The following PSMD13 variants were observed in gnomAD, a reference collection of about 807,000 sequenced individuals.
PSMD13 encodes 26S proteasome non-ATPase regulatory subunit 13.
PSMD13 carries 8 observed loss-of-function variants against 57.4 expected under a neutral mutation model. The observed-to-expected ratio is 0.14, with a 90% confidence interval of 0.08 to 0.25. The LOEUF (loss-of-function observed/expected upper bound fraction) is 0.25, where lower values mean the gene tolerates loss of function less well. PSMD13 is among the 10% of genes least tolerant of loss of function. The pLI, the probability that PSMD13 is intolerant of heterozygous loss-of-function variation, is 1.00. For missense variants in PSMD13, 400 were observed against 461.5 expected (o/e 0.87, Z 1.22); for synonymous variants, 193 against 168.2 (o/e 1.15, Z -1.14).
rs1859752576 is a variant in PSMD13 at position 250,826 on chromosome 11, C to G, written c.798C>G (p.Ala266=). 1.2e-6 allele frequency: 2 copies of G among 1,613,990 alleles called. No homozygotes were observed. Among genetic ancestry groups the G allele is most frequent in the Non-Finnish European group, 1.7e-6 (2 of 1,179,978 alleles). ...GQQPDLAANE[A]QLLRKIQLLC... ...AGCCTGATTTAGCAGCTAATGAAGC[C>G]CAGCTTCTGAGGAAAATTCAGTTGT... Residue 266 remains alanine (A), a synonymous_variant, in exon 10 of 13, where the codon GCC becomes GCG. Transcript: ENST00000532097.
chr11:244,254 ATGG>A (rs781322976), intron 4 of PSMD13, 38 bp downstream of exon 4: 5 of 1,598,662 alleles, frequency 3.1e-6, no homozygotes, highest in Non-Finnish European at 3.4e-6. Context: ...GCAGATCCAA[ATGG>A]TGGTTAAAAT....
intron 2 of PSMD13, 67 bp from the exon 3 acceptor site, chr11:243,973 TG>T (rs1409330467): frequency 6.8e-7 from 1 of 1,475,102 alleles, no homozygotes; most frequent in Admixed American, 1.8e-5. Flanking sequence ...CCAAAGATAG[TG>T]TTTGGGGTCT....
In PSMD13 at chr11:252,040, AT is replaced by A; in HGVS notation, c.1035+106del. ...GGAAGCCATTTGGGAAGACAGCATTATTAGACAAGAGGTTTTGGAGAAGGAA... is the reference window on the plus strand; with the variant it reads ...GGAAGCCATTTGGGAAGACAGCATTATAGACAAGAGGTTTTGGAGAAGGAA... On this transcript the variant is annotated intron_variant, in intron 12 of 12. Coordinates refer to ENST00000532097, the MANE Select transcript of PSMD13 (RefSeq NM_002817.4). The surrounding 1 kb of genome is among the most constrained non-coding windows in gnomAD (Gnocchi z 4.1). 1 of 1,074,746 alleles carries A rather than the reference AT, an allele frequency of 9.3e-7. No homozygotes were observed. The highest frequency in any genetic ancestry group is 1.4e-6 in the Non-Finnish European group (1 of 724,978). The allele number at this position is 1,074,746 out of a possible 1,614,324, so 66.6% of individuals were successfully genotyped here. A position where few individuals can be genotyped will look rare whatever the true frequency, so the allele number is the denominator to read the frequency against.
At chr11:237,277 G>C (rs1028389226) in intron 1 of PSMD13, 133 bp downstream of exon 1, 4 of 810,948 alleles carry the variant, frequency 4.9e-6, no homozygotes, top group Non-Finnish European at 7.6e-6. Flanking sequence ...GACGTGTAGC[G>C]ACCGGCTGTG....
Position 252,496 on chromosome 11 carries a change from C to G in PSMD13, c.1036-9C>G. The G allele has an allele frequency of 6.2e-7, 1 of 1,613,770 alleles. No individual in the cohort carries two copies. Among genetic ancestry groups the G allele is most frequent in the Non-Finnish European group, 8.5e-7 (1 of 1,179,758 alleles). On this transcript the variant is annotated splice_polypyrimidine_tract_variant and intron_variant, in intron 12 of 12. Transcript: ENST00000532097. This position sits in a 1 kb window ranked among gnomAD's most constrained non-coding sequence, Gnocchi z 4.1. ...CTTAACGTCCCTTGTGTCCGGATTTCCATTTCAGATCAAGGGAATGAAGGA... is the reference window on the plus strand; with the variant it reads ...CTTAACGTCCCTTGTGTCCGGATTTGCATTTCAGATCAAGGGAATGAAGGA...
Position 247,346 on chromosome 11 carries a change from T to C in PSMD13, c.466T>C (p.Tyr156His). The change falls in exon 7 of 13, where the codon TAT becomes CAT. Residue 156 changes from tyrosine (Y) to histidine (H), a missense_variant. Tyr to His is a moderately conservative substitution (Grantham distance 83). Coordinates refer to ENST00000532097, the MANE Select transcript of PSMD13 (RefSeq NM_002817.4). ...TGTGACATCGGTTCACAGTCGTTTC[T>C]ATGATCTCTCCAGTAAATACTATCA... is the stretch of plus-strand genomic sequence containing the variant. The part of the protein sequence containing the change: ...PGVTSVHSRF[Y>H]DLSSKYYQTI... 2 of 1,612,946 alleles carry C rather than the reference T, an allele frequency of 1.2e-6. No homozygotes were observed.
chr11:238,259 G>A (rs1177422041), intron 1 of PSMD13, among the ~76,000 whole-genome samples: 3 of 152,232 alleles, frequency 2.0e-5, no homozygotes, highest in Non-Finnish European at 4.4e-5. Context: ...AGCATCTCAA[G>A]TTAGATATGT....
At chr11:249,147 C>G (rs1026133181) in intron 9 of PSMD13, 90 bp downstream of exon 9, 2 of 1,542,738 alleles carry the variant, frequency 1.3e-6, no homozygotes, top group Non-Finnish European at 1.8e-6. Context: ...CCTAGGCACA[C>G]AGGAAAGAAC....
Position 251,783 on chromosome 11 carries a change from G to A in PSMD13, c.919-37G>A. 6.3e-7 allele frequency: 1 copy of A among 1,593,906 alleles called. No homozygotes were observed. The highest frequency in any genetic ancestry group is 1.1e-5 in the South Asian group (1 of 90,254). On this transcript the variant is annotated intron_variant, in intron 11 of 12. Coordinates refer to ENST00000532097, the MANE Select transcript of PSMD13 (RefSeq NM_002817.4). The surrounding 1 kb of genome is among the most constrained non-coding windows in gnomAD (Gnocchi z 4.6). ...ATCTGGGTCCATGGGGGTGTGTCAG[G>A]CTATCTTGTCTTACACACGCCTCCC...
At chr11:243,982 T>G in intron 2 of PSMD13, 59 bp from the exon 3 acceptor site, 1 of 1,516,116 alleles carries the variant, frequency 6.6e-7, no homozygotes, top group Non-Finnish European at 9.1e-7. Context: ...GTGTTTGGGG[T>G]CTTCGTTTTG....
At chr11:241,252 C>T (rs990307801) in intron 2 of PSMD13, among the ~76,000 whole-genome samples, 1 of 152,176 alleles carries the variant, frequency 6.6e-6, no homozygotes, top group Non-Finnish European at 1.5e-5. Context: ...CATTCTCATG[C>T]CTCAGCCTCC....
rs1128322 is a variant in PSMD13 at position 244,197 on chromosome 11, T to C, written c.246T>C (p.His82=). 1,209,983 of 1,570,596 alleles carry C rather than the reference T, an allele frequency of 0.77. 471,248 individuals carry two copies. The highest frequency in any genetic ancestry group is 0.89 in the African/African-American group (66,084 of 74,418). ...TGTCCCTCGTGGAAATCATTCTTCATGTAGTTAGACAGATGACTGGTAAGT... is the reference window on the plus strand; with the variant it reads ...TGTCCCTCGTGGAAATCATTCTTCACGTAGTTAGACAGATGACTGGTAAGT... ...NPLSLVEIIL[H]VVRQMTDPNV... is the part of the protein sequence containing the mutation. Residue 82 remains histidine (H), a synonymous_variant, in exon 4 of 13, where the codon CAT becomes CAC. Coordinates refer to ENST00000532097, the MANE Select transcript of PSMD13 (RefSeq NM_002817.4).
intron 6 of PSMD13, among the ~76,000 whole-genome samples, chr11:245,712 T>TCG (rs1564822136): frequency 5.3e-5 from 2 of 37,730 alleles, no homozygotes; most frequent in East Asian, 8.8e-4. Context: ...TTGTGTGTGT[T>TCG]TGTGTGTGTG....
At position 245,689 on chromosome 11, in the gene PSMD13, TGTGTTC is replaced by T. The variant is rs1358848063; in HGVS notation, c.396+933_396+938del. On this transcript the variant is annotated intron_variant, in intron 6 of 12. Transcript: ENST00000532097. ...GTGTGTGTGTGTGTGTGTTTGCATG[TGTGTTC>T]GTGTGTTTGTGTGTGTTTGTGTGTG... 7.0e-3 allele frequency among the ~76,000 whole-genome samples: 670 copies of T among 95,592 alleles called. 17 individuals are homozygous for T. The highest frequency in any genetic ancestry group is 0.027 in the African/African-American group (624 of 23,162). 62.7% of individuals were successfully genotyped at this position (95,592 alleles called of 152,430 possible). A position where few individuals can be genotyped will look rare whatever the true frequency, so the allele number is the denominator to read the frequency against.
intron 6 of PSMD13, among the ~76,000 whole-genome samples, chr11:246,163 TATTTC>T (rs1859643240): frequency 6.6e-6 from 1 of 152,212 alleles, no homozygotes; most frequent in African/African-American, 2.4e-5. Context: ...TCCTATACGG[TATTTC>T]ATTGTATAAG....
intron 6 of PSMD13, among the ~76,000 whole-genome samples, chr11:246,317 G>C (rs1397394488): frequency 1.3e-5 from 2 of 152,014 alleles, no homozygotes; most frequent in Non-Finnish European, 2.9e-5. Flanking sequence ...ACCCAGCCAA[G>C]ATGGTAAAAC....
At chr11:242,199 T>C (rs1859530543) in intron 2 of PSMD13, among the ~76,000 whole-genome samples, 3 of 149,970 alleles carry the variant, frequency 2.0e-5, no homozygotes, top group African/African-American at 4.9e-5. Flanking sequence ...AAAGACTGTC[T>C]TCAGTGGACC....
intron 7 of PSMD13, chr11:247,713 A>G (rs560204520): frequency 1.0e-4 from 29 of 278,038 alleles, no homozygotes; most frequent in Middle Eastern, 1.2e-3. Flanking sequence ...GGTGCCTGTA[A>G]TCCCAGTTAC....
Position 252,930 on chromosome 11 carries a change from C to G in PSMD13, c.*330C>G. On this transcript the variant is annotated 3_prime_UTR_variant, in exon 13 of 13. Transcript: ENST00000532097. This position sits in a 1 kb window ranked among gnomAD's most constrained non-coding sequence, Gnocchi z 4.1. The stretch of plus-strand genomic sequence containing the variant: ...CATCCCCATCCACCTGTACGGACAT[C>G]TTTTCCGTTGCGGTTTGAGAATGTT... 1 of 232,778 alleles carries G rather than the reference C, an allele frequency of 4.3e-6. No homozygotes were observed. Among genetic ancestry groups the G allele is most frequent in the Non-Finnish European group, 8.6e-6 (1 of 115,952 alleles). The allele number at this position is 232,778 out of a possible 1,614,324, so 14.4% of individuals were successfully genotyped here.
Sources: allele counts gnomAD v4.1 joint callset (sites outside exome capture counted in the v4.1 genomes callset), GRCh38; gene constraint gnomAD v4.1.1; non-coding constraint Gnocchi (gnomAD v3.1); transcripts MANE v1.5; gene names NCBI Gene and HGNC (gene_info 2026-07-23, HGNC 2026-07-21).